Variants in ACSL4 observed in about 807,000 individuals in gnomAD.
ACSL4 encodes the protein acyl-CoA synthetase long chain family member 4, also known as long-chain-fatty-acid--CoA ligase 4.
ACSL4 carries 9 observed loss-of-function variants against 49.1 expected under a neutral mutation model. That is an observed-to-expected ratio of 0.18 (90% CI 0.11 to 0.32). The LOEUF is 0.32. ACSL4 is among the 10% of genes least tolerant of loss of function. The probability of loss-of-function intolerance (pLI) is 1.00; values close to 1 mark genes in which losing one functional copy is unlikely to be tolerated. For synonymous variants in ACSL4, 191 were observed against 170.3 expected (o/e 1.12, Z -0.95); for missense variants, 333 against 493.7 (o/e 0.67, Z 3.08).
At chrX:109,684,925 G>A (rs140157974) in intron 2 of ACSL4, among the ~76,000 whole-genome samples, 10 of 110,600 alleles carry the variant, frequency 9.0e-5, no homozygotes, top group African/African-American at 3.0e-4. Context: ...CGCTAAATAC[G>A]CTTGACTAAA....
At chrX:109,645,888 G>C (rs1464758647) in intron 15 of ACSL4, among the ~76,000 whole-genome samples, 1 of 112,317 alleles carries the variant, frequency 8.9e-6, no homozygotes, top group Non-Finnish European at 1.9e-5. Flanking sequence ...GAAGCCTCAG[G>C]AGCCGATGCG....
chrX:109,665,316 A>G, intron 12 of ACSL4, 104 bp downstream of exon 12: 3 of 725,344 alleles, frequency 4.1e-6, no homozygotes, highest in Non-Finnish European at 6.5e-6. Flanking sequence ...GCAAAACAGC[A>G]GAGAATTATT....
At chrX:109,676,901 G>A (rs1243840843) in intron 8 of ACSL4, among the ~76,000 whole-genome samples, 6 of 111,724 alleles carry the variant, frequency 5.4e-5, no homozygotes, top group East Asian at 5.6e-4. Flanking sequence ...TTGGTCACAC[G>A]TAGCTATTGA....
At chrX:109,726,042 T>C (rs773640352) in intron 1 of ACSL4, among the ~76,000 whole-genome samples, 1 of 111,993 alleles carries the variant, frequency 8.9e-6, no homozygotes, top group Non-Finnish European at 1.9e-5. Context: ...ATTTCATTTG[T>C]AAATTTTCAG....
chrX:109,705,167 T>C (rs1420537852), intron 1 of ACSL4, among the ~76,000 whole-genome samples: 2 of 112,278 alleles, frequency 1.8e-5, no homozygotes, highest in African/African-American at 3.2e-5. Flanking sequence ...TTGGTGCCAA[T>C]AGTTTTCAAA....
intron 1 of ACSL4, among the ~76,000 whole-genome samples, chrX:109,706,605 T>G (rs1042249146): frequency 3.6e-5 from 4 of 112,361 alleles, no homozygotes; most frequent in African/African-American, 1.3e-4. Flanking sequence ...AAACAACTAC[T>G]GGGGAAAAAA....
rs779985487 is a variant in ACSL4, at chrX:109,681,065, C to T, written c.588G>A (p.Glu196=). 6.6e-6 allele frequency: 8 copies of T among 1,209,539 alleles called. No individual in the cohort carries two copies. The highest frequency in any genetic ancestry group is 9.0e-6 in the Non-Finnish European group (8 of 893,848). ...YVDNKAINKA[E]YPEGFEIHSM... ...TGTGAATCTCAAATCCTTCAGGGTA[C>T]TCTGCTTTATTGATAGCCTTATTGT... The change falls in exon 6 of 16, where the codon GAG becomes GAA. Residue 196 remains glutamate, a synonymous_variant. Transcript: ENST00000672401.
intron 1 of ACSL4, among the ~76,000 whole-genome samples, chrX:109,698,204 T>C (rs751168882): frequency 9.0e-6 from 1 of 110,944 alleles, no homozygotes; most frequent in Non-Finnish European, 1.9e-5. Flanking sequence ...ATTTCTTTCA[T>C]CACAAAAAAA....
intron 15 of ACSL4, among the ~76,000 whole-genome samples, chrX:109,656,615 A>T (rs1044333797): frequency 4.5e-5 from 5 of 110,915 alleles, no homozygotes; most frequent in African/African-American, 1.6e-4. Context: ...TTAAAAAAAC[A>T]ACTAAAGTTG....
intron 1 of ACSL4, among the ~76,000 whole-genome samples, chrX:109,708,283 C>T (rs1437886630): frequency 8.9e-6 from 1 of 112,475 alleles, no homozygotes; most frequent in African/African-American, 3.2e-5. Context: ...AATTTCCCTA[C>T]ATTTTCTAAA....
chrX:109,689,526 C>T (rs1924878468), intron 2 of ACSL4, among the ~76,000 whole-genome samples: 1 of 112,430 alleles, frequency 8.9e-6, no homozygotes, highest in South Asian at 3.6e-4. Flanking sequence ...ACTTCACCTC[C>T]TAGTACGCTT....
At chrX:109,708,021 T>G (rs1926488654) in intron 1 of ACSL4, among the ~76,000 whole-genome samples, 1 of 111,873 alleles carries the variant, frequency 8.9e-6, no homozygotes, top group East Asian at 2.8e-4. Context: ...CTTGGCTCAC[T>G]GCAGCCTCGA....
intron 15 of ACSL4, among the ~76,000 whole-genome samples, chrX:109,657,484 T>C (rs1030107077): frequency 2.7e-5 from 3 of 109,687 alleles, no homozygotes; most frequent in East Asian, 2.9e-4. Flanking sequence ...TTTTTGTCCT[T>C]GCGATAGTTT....
chrX:109,712,364 T>C (rs184812927), intron 1 of ACSL4, among the ~76,000 whole-genome samples: 1 of 111,851 alleles, frequency 8.9e-6, no homozygotes, highest in African/African-American at 3.3e-5. Flanking sequence ...CCTCCCAAAG[T>C]GCTGGGATTA....
intron 1 of ACSL4, among the ~76,000 whole-genome samples, chrX:109,714,612 GT>G (rs544663673): frequency 1.8e-5 from 2 of 108,849 alleles, no homozygotes; most frequent in South Asian, 3.9e-4. Flanking sequence ...CTTTTATACC[GT>G]TTTTTTTTAC....
intron 8 of ACSL4, among the ~76,000 whole-genome samples, chrX:109,674,995 A>G (rs1422977501): frequency 3.6e-5 from 4 of 112,398 alleles, no homozygotes; most frequent in Non-Finnish European, 7.5e-5. Context: ...ATACACATAA[A>G]TGTGCACAAA....
intron 2 of ACSL4, among the ~76,000 whole-genome samples, chrX:109,688,044 G>A (rs1421451491): frequency 8.9e-6 from 1 of 111,882 alleles, no homozygotes; most frequent in Non-Finnish European, 1.9e-5. Flanking sequence ...TCTCCCTGAT[G>A]CAGAGAGACC....
chrX:109,694,764 C>T (rs936274856), intron 2 of ACSL4, among the ~76,000 whole-genome samples: 3 of 111,543 alleles, frequency 2.7e-5, no homozygotes, highest in African/African-American at 9.8e-5. Context: ...TTTTCACTAA[C>T]CAGCACTGGT....
At chrX:109,656,170 T>G (rs1229637594) in intron 15 of ACSL4, among the ~76,000 whole-genome samples, 1 of 111,219 alleles carries the variant, frequency 9.0e-6, no homozygotes, top group Non-Finnish European at 1.9e-5. Flanking sequence ...TAAAGGGCTC[T>G]AAGAAGTATG....
Sources: gnomAD v4.1 joint callset for allele counts (sites outside exome capture counted in the v4.1 genomes callset) on GRCh38, gnomAD v4.1.1 for gene constraint, MANE v1.5 for transcripts, NCBI Gene and HGNC (gene_info 2026-07-23, HGNC 2026-07-21) for gene names.